SPAG9: variants seen among roughly 807,000 people sequenced by gnomAD.
SPAG9 encodes the protein sperm associated antigen 9.
A neutral mutation model predicts 166.5 loss-of-function variants in SPAG9; 35 were observed. That is an observed-to-expected ratio of 0.21 (90% CI 0.16 to 0.28). SPAG9 has a LOEUF of 0.28. SPAG9 is among the 10% of genes least tolerant of loss of function. The pLI, the probability that SPAG9 is intolerant of heterozygous loss-of-function variation, is 1.00. For synonymous variants in SPAG9, 534 were observed against 565.5 expected, an observed-to-expected ratio of 0.94 and a Z score of 0.79; for missense variants, 1,235 against 1,603.3, an observed-to-expected ratio of 0.77 and a Z score of 3.92.
chr17:51,013,047 T>C (rs897438837), intron 9 of SPAG9, among the ~76,000 whole-genome samples: 1 of 152,122 alleles, frequency 6.6e-6, no homozygotes, highest in Non-Finnish European at 1.5e-5. Flanking sequence ...GACATTTAGA[T>C]AGAACTTGTG....
chr17:51,020,117 G>T, intron 8 of SPAG9, 42 bp downstream of exon 8: 1 of 1,181,830 alleles, frequency 8.5e-7, no homozygotes, highest in Non-Finnish European at 1.3e-6. Context: ...GGAGTTGGGG[G>T]TGGGGGGCGC....
intron 23 of SPAG9, among the ~76,000 whole-genome samples, chr17:50,985,327 A>G (rs1294902657): frequency 6.6e-6 from 1 of 152,226 alleles, no homozygotes. Flanking sequence ...GCTCAGAGAT[A>G]AACTGTCTGA....
At chr17:51,104,920 G>A (rs1482610067) in intron 1 of SPAG9, among the ~76,000 whole-genome samples, 14 of 86,554 alleles carry the variant, frequency 1.6e-4, no homozygotes, top group Non-Finnish European at 3.0e-4. Context: ...GCGACAGAGC[G>A]AGACTCCGTC....
intron 4 of SPAG9, chr17:51,046,728 T>C: frequency 1.3e-6 from 2 of 1,535,846 alleles, no homozygotes; most frequent in South Asian, 1.2e-5. Context: ...GGGGTATCTT[T>C]GTAGTGAGGA....
chr17:51,043,168 GT>G (rs1179382502), intron 4 of SPAG9, among the ~76,000 whole-genome samples: 1 of 152,116 alleles, frequency 6.6e-6, no homozygotes, highest in Non-Finnish European at 1.5e-5. Context: ...AGGATTACAG[GT>G]GTGAGCCACC....
chr17:51,120,539 C>G lies in SPAG9; in HGVS notation c.118G>C (p.Gly40Arg). The G allele has an allele frequency of 6.2e-7, 1 of 1,613,894 alleles. No individual in the cohort carries two copies. ...SIYREFERLI[G>R]RYDEEVVKEL... ...TTGACCACCTCCTCGTCATAGCGCC[C>G]GATAAGCCGCTCGAACTCGCGGTAG... Residue 40 changes from glycine to arginine, a missense_variant, in exon 1 of 30, where the codon GGG becomes CGG. This residue lies in a region of SPAG9 where 83 missense variants were observed against 149.8 expected (regional missense o/e 0.55). Coordinates refer to ENST00000262013, the MANE Select transcript of SPAG9 (RefSeq NM_001130528.3). The surrounding 1 kb of genome is among the most constrained non-coding windows in gnomAD (Gnocchi z 4.7).
rs748514581 is a variant in SPAG9, at chr17:50,982,653, T to C, written c.3108A>G (p.Ser1036=). The change falls in exon 25 of 30, where the codon TCA becomes TCG. Residue 1036 remains serine (S), a synonymous_variant. Coordinates refer to ENST00000262013, the MANE Select transcript of SPAG9 (RefSeq NM_001130528.3). The part of the protein sequence containing the change: ...HRGVDGQWDL[S]NYHLLDLGRP... ...GTCCAAGGTCTAAGAGGTGATAGTT[T>C]GACAAATCCCACTGCCCATCTTTAA... The C allele has an allele frequency of 2.2e-5, 36 of 1,609,894 alleles. 1 individual carries two copies. The Middle Eastern group carries it at 8.3e-4, about 37-fold the overall frequency.
intron 24 of SPAG9, among the ~76,000 whole-genome samples, chr17:50,982,968 A>G (rs1238594955): frequency 6.6e-6 from 1 of 152,256 alleles, no homozygotes; most frequent in African/African-American, 2.4e-5. Flanking sequence ...TCTGTTTATC[A>G]TAATATTTTT....
intron 19 of SPAG9, among the ~76,000 whole-genome samples, chr17:50,990,991 C>T (rs1975499711): frequency 6.6e-6 from 1 of 151,622 alleles, no homozygotes; most frequent in Non-Finnish European, 1.5e-5. Context: ...ACTGCAACCT[C>T]CGCCTCCTTG....
At chr17:51,060,505 T>TAA (rs35700642) in intron 2 of SPAG9, among the ~76,000 whole-genome samples, 6 of 101,482 alleles carry the variant, frequency 5.9e-5, no homozygotes, top group East Asian at 2.5e-4. Context: ...TTTGTCTTTT[T>TAA]AAAAAAAAAA....
intron 1 of SPAG9, among the ~76,000 whole-genome samples, chr17:51,106,499 G>T (rs368098870): frequency 6.6e-6 from 1 of 151,984 alleles, no homozygotes; most frequent in East Asian, 1.9e-4. Context: ...CCAGGGCTTA[G>T]AACAGTGCCT....
chr17:50,978,184 T>C (rs1461311843), intron 26 of SPAG9, among the ~76,000 whole-genome samples: 2 of 152,190 alleles, frequency 1.3e-5, no homozygotes, highest in Non-Finnish European at 2.9e-5. Context: ...AAGACAACAC[T>C]AGTACTCATA....
Position 51,007,318 on chromosome 17 carries a change from G to A in SPAG9, c.1222C>T (p.Arg408Trp). Residue 408 changes from arginine to tryptophan, a missense_variant, in exon 10 of 30, where the codon CGG (arginine) becomes TGG (tryptophan). Coordinates refer to ENST00000262013, the MANE Select transcript of SPAG9 (RefSeq NM_001130528.3). ...TCTAATATAAGATTCTCAACTTCCC[G>A]ACCCATTCCTATCAAACGAAAAAAG... Reference protein sequence around the residue: ...DEGADLLGMGREVENLILENT... With the variant: ...DEGADLLGMGWEVENLILENT... 3 of 1,570,646 alleles carry A rather than the reference G, an allele frequency of 1.9e-6. No individual in the cohort carries two copies. Among genetic ancestry groups the A allele is most frequent in the Non-Finnish European group, 2.6e-6 (3 of 1,153,144 alleles).
In SPAG9 at chr17:51,061,612, C is replaced by CCAAAA. The variant is rs34337438; in HGVS notation, c.425-5131_425-5130insTTTTG. The stretch of plus-strand genomic sequence containing the variant: ...GCAACAAGAGCGAAAGCTCTGTCTC[C>CCAAAA]AAAAAAAAAAAAAAAAAAAAAAAAA... On this transcript the variant is annotated intron_variant, in intron 2 of 29. Coordinates refer to ENST00000262013, the MANE Select transcript of SPAG9 (RefSeq NM_001130528.3). Among the ~76,000 whole-genome samples the CCAAAA allele has an allele frequency of 7.9e-4, 25 of 31,730 alleles. 1 individual carries two copies. Among genetic ancestry groups the CCAAAA allele is most frequent in the South Asian group, 5.4e-3 (3 of 560 alleles). The allele number at this position is 31,730 out of a possible 152,430, so 20.8% of individuals were successfully genotyped here.
intron 1 of SPAG9, among the ~76,000 whole-genome samples, chr17:51,102,695 G>C (rs757066930): frequency 7.9e-5 from 12 of 151,972 alleles, no homozygotes; most frequent in Non-Finnish European, 1.8e-4. Context: ...GTAGAGATGG[G>C]GTTTTACCAT....
chr17:51,004,929 A>C (rs1314795824), intron 12 of SPAG9, among the ~76,000 whole-genome samples: 1 of 152,196 alleles, frequency 6.6e-6, no homozygotes, highest in Non-Finnish European at 1.5e-5. Context: ...CAATAACAAC[A>C]ACCAAAAACC....
intron 29 of SPAG9, among the ~76,000 whole-genome samples, chr17:50,970,430 C>G (rs1973693048): frequency 6.7e-6 from 1 of 149,828 alleles, no homozygotes; most frequent in Non-Finnish European, 1.5e-5. Flanking sequence ...AGGAGAATCA[C>G]TTGAACCTGG....
At chr17:51,000,949 C>T (rs1354978754) in intron 13 of SPAG9, among the ~76,000 whole-genome samples, 3 of 152,082 alleles carry the variant, frequency 2.0e-5, no homozygotes, top group Non-Finnish European at 4.4e-5. Context: ...TAAGCAATTA[C>T]TATCACAGCA....
chr17:50,999,968 T>G (rs2044859670), intron 13 of SPAG9, among the ~76,000 whole-genome samples: 1 of 152,218 alleles, frequency 6.6e-6, no homozygotes. Flanking sequence ...AGGACTGTAA[T>G]ATGTGCTAGA....
Sources: allele counts gnomAD v4.1 joint callset (sites outside exome capture counted in the v4.1 genomes callset), GRCh38; gene constraint gnomAD v4.1.1; regional missense constraint gnomAD v4.1.1; non-coding constraint Gnocchi (gnomAD v3.1); transcripts MANE v1.5; gene names NCBI Gene and HGNC (gene_info 2026-07-23, HGNC 2026-07-21).